TENM3: variants seen among roughly 807,000 people sequenced by gnomAD.
The protein encoded by TENM3 is teneurin transmembrane protein 3.
A neutral mutation model predicts 255.1 loss-of-function variants in TENM3; 63 were observed. The observed-to-expected ratio is 0.25, with a 90% confidence interval of 0.20 to 0.30. The LOEUF is 0.30. TENM3 is among the 10% of genes least tolerant of loss of function. TENM3 has a pLI of 1.00. For synonymous variants in TENM3, 1,306 were observed against 1,322.3 expected (o/e 0.99, Z 0.27); for missense variants, 2,929 against 3,461.1 (o/e 0.85, Z 3.86).
At chr4:181,497,557 A>C in the TENM3 span, among the ~76,000 whole-genome samples, 1 of 152,172 alleles carries the variant, frequency 6.6e-6, no homozygotes, top group African/African-American at 2.4e-5. Flanking sequence ...GAATAAAGTG[A>C]TCATGAGGCC....
At chr4:182,305,460 A>G (rs1384398078) in intron 1 of TENM3, among the ~76,000 whole-genome samples, 1 of 152,252 alleles carries the variant, frequency 6.6e-6, no homozygotes, top group Middle Eastern at 3.2e-3. Context: ...TTGTTGAACA[A>G]GAAAACTAGG....
the TENM3 span, among the ~76,000 whole-genome samples, chr4:181,674,862 T>C: frequency 2.0e-5 from 3 of 152,148 alleles, no homozygotes; most frequent in Admixed American, 6.6e-5. Context: ...ACCCCTTATA[T>C]GTATTGCATA....
intron 3 of TENM3, among the ~76,000 whole-genome samples, chr4:182,447,546 C>A (rs2151292821): frequency 6.6e-6 from 1 of 152,218 alleles, no homozygotes; most frequent in South Asian, 2.1e-4. Flanking sequence ...GGAGGAAAGA[C>A]CGTGGGGGAA....
the TENM3 span, among the ~76,000 whole-genome samples, chr4:181,957,844 T>G: frequency 1.5e-4 from 23 of 152,316 alleles, no homozygotes; most frequent in African/African-American, 5.5e-4. Context: ...GCGCACTAAA[T>G]GTTCTCATTT....
chr4:181,963,110 G>C, the TENM3 span, among the ~76,000 whole-genome samples: 68 of 152,264 alleles, frequency 4.5e-4, 1 homozygote, highest in East Asian at 9.5e-3. Context: ...GATTTCTTCT[G>C]AAGATACAGC....
chr4:181,776,261 G>T, the TENM3 span, among the ~76,000 whole-genome samples: 1 of 151,948 alleles, frequency 6.6e-6, no homozygotes, highest in Non-Finnish European at 1.5e-5. Flanking sequence ...ATTTCCTTCT[G>T]TTTTATGGCT....
the TENM3 span, among the ~76,000 whole-genome samples, chr4:181,642,649 T>G: frequency 6.6e-6 from 1 of 151,698 alleles, no homozygotes; most frequent in African/African-American, 2.4e-5. Context: ...ATTTTTGAGT[T>G]AATCCATTTT....
At chr4:181,857,571 A>AAAAAC in the TENM3 span, among the ~76,000 whole-genome samples, 2 of 114,554 alleles carry the variant, frequency 1.7e-5, no homozygotes, top group African/African-American at 9.5e-5. Context: ...AAAAAAAAAA[A>AAAAAC]AAAACAAAAC....
intron 24 of TENM3, among the ~76,000 whole-genome samples, chr4:182,779,333 T>G (rs920037397): frequency 3.9e-5 from 6 of 152,040 alleles, no homozygotes; most frequent in Non-Finnish European, 8.8e-5. Flanking sequence ...CTTGCGATAG[T>G]TTACTGAGAA....
the TENM3 span, among the ~76,000 whole-genome samples, chr4:181,943,379 G>T: frequency 2.0e-5 from 3 of 152,058 alleles, no homozygotes; most frequent in East Asian, 1.9e-4. Context: ...AGAACAGGAG[G>T]TTGGGTTCAT....
chr4:181,656,796 A>G, the TENM3 span, among the ~76,000 whole-genome samples: 1 of 152,204 alleles, frequency 6.6e-6, no homozygotes, highest in South Asian at 2.1e-4. Context: ...AAACATCTCA[A>G]GGAAGCCAAG....
intron 1 of TENM3, among the ~76,000 whole-genome samples, chr4:182,315,335 C>T: frequency 6.6e-6 from 1 of 151,068 alleles, no homozygotes; most frequent in East Asian, 1.9e-4. Flanking sequence ...TGATCAGCTT[C>T]TGTATGTCCA....
intron 3 of TENM3, among the ~76,000 whole-genome samples, chr4:182,481,123 A>G (rs1400294906): frequency 6.6e-6 from 1 of 152,172 alleles, no homozygotes; most frequent in Non-Finnish European, 1.5e-5. Context: ...ACAGACTCTG[A>G]AAAATAATTC....
At chr4:181,528,335 TTAAG>T in the TENM3 span, among the ~76,000 whole-genome samples, 19 of 152,092 alleles carry the variant, frequency 1.2e-4, no homozygotes, top group African/African-American at 4.3e-4. Context: ...AGAAAGAAAA[TTAAG>T]TATTATAAGT....
At chr4:181,985,048 A>G in the TENM3 span, among the ~76,000 whole-genome samples, 3 of 152,006 alleles carry the variant, frequency 2.0e-5, no homozygotes, top group Admixed American at 2.0e-4. Flanking sequence ...GAAAAGAAAA[A>G]TGGGCAATGC....
chr4:182,427,294 ATACAAT>A (rs1418494930), intron 3 of TENM3, among the ~76,000 whole-genome samples: 1 of 152,218 alleles, frequency 6.6e-6, no homozygotes, highest in Non-Finnish European at 1.5e-5. Flanking sequence ...GATTTTTAAA[ATACAAT>A]TCTGATTCCA....
chr4:182,091,325 A>G, the TENM3 span, among the ~76,000 whole-genome samples: 4 of 152,240 alleles, frequency 2.6e-5, no homozygotes, highest in Non-Finnish European at 4.4e-5. Context: ...GAAGAAATTT[A>G]CTGCCAGGAA....
chr4:182,455,553 CTTTTTTT>C lies in TENM3; in HGVS notation c.511+108644_511+108650del, dbSNP rs568361419. Among the ~76,000 whole-genome samples, 86 of 73,168 alleles carry C rather than the reference CTTTTTTT, an allele frequency of 1.2e-3. 1 individual carries two copies. Among genetic ancestry groups the C allele is most frequent in the African/African-American group, 4.0e-3 (76 of 19,068 alleles). 48.0% of individuals were successfully genotyped at this position (73,168 alleles called of 152,430 possible). Reference sequence around the variant, plus strand: ...CCAAGAGCTGACTTGCATGGTATTTCTTTTTTTTTTTTTTTTTTTTTTTTTTGAGACC... The same window carrying C: ...CCAAGAGCTGACTTGCATGGTATTTCTTTTTTTTTTTTTTTTTTTGAGACC... On this transcript the variant is annotated intron_variant, in intron 3 of 27. Coordinates refer to ENST00000511685, the MANE Select transcript of TENM3 (RefSeq NM_001080477.4).
chr4:182,157,561 C>A (rs543725018), intron 1 of TENM3, among the ~76,000 whole-genome samples: 67 of 152,334 alleles, frequency 4.4e-4, no homozygotes, highest in South Asian at 3.9e-3. Context: ...TAGCTCCTCT[C>A]CACAAAAGGT....
Sources: gnomAD v4.1 joint callset for allele counts (sites outside exome capture counted in the v4.1 genomes callset) on GRCh38, gnomAD v4.1.1 for gene constraint, MANE v1.5 for transcripts, NCBI Gene and HGNC (gene_info 2026-07-23, HGNC 2026-07-21) for gene names.